Variants in PPFIA1 observed in about 807,000 individuals in gnomAD.
The protein encoded by PPFIA1 is liprin-alpha-1.
In PPFIA1, 25 loss-of-function variants were observed where a neutral mutation model predicts 149.9. That is an observed-to-expected ratio of 0.17 (90% CI 0.12 to 0.23). PPFIA1 has a LOEUF of 0.23. PPFIA1 is among the 10% of genes least tolerant of loss of function. The pLI is 1.00. For synonymous variants in PPFIA1, 549 were observed against 552.8 expected (o/e 0.99, Z 0.10); for missense variants, 1,362 against 1,506.5 (o/e 0.90, Z 1.59).
intron 2 of PPFIA1, among the ~76,000 whole-genome samples, chr11:70,309,812 CAG>C (rs1167987744): frequency 6.6e-6 from 1 of 151,980 alleles, no homozygotes; most frequent in Non-Finnish European, 1.5e-5. Flanking sequence ...TACACAGAGA[CAG>C]AAAGCAGATT....
intron 26 of PPFIA1, chr11:70,378,524 C>CT: frequency 6.2e-6 from 6 of 971,124 alleles, no homozygotes; most frequent in Non-Finnish European, 7.5e-6. Flanking sequence ...CTAGAAAGCT[C>CT]TTTCAGGAAA....
intron 2 of PPFIA1, among the ~76,000 whole-genome samples, chr11:70,323,193 A>G (rs75646606): frequency 0.015 from 2,324 of 152,188 alleles, 56 homozygotes; most frequent in African/African-American, 0.052. Context: ...TCCTAGGTTT[A>G]AAGAGAGTGC....
chr11:70,293,485 AAC>A (rs2051677650), intron 2 of PPFIA1, among the ~76,000 whole-genome samples: 5 of 152,230 alleles, frequency 3.3e-5, no homozygotes, highest in African/African-American at 7.2e-5. Context: ...AAGCAAATAA[AAC>A]CAATGGCTTT....
At chr11:70,287,133 G>A (rs1189820022) in intron 2 of PPFIA1, among the ~76,000 whole-genome samples, 2 of 151,452 alleles carry the variant, frequency 1.3e-5, no homozygotes, top group Non-Finnish European at 2.9e-5. Flanking sequence ...GATTACAGGC[G>A]TGAGCCACCA....
chr11:70,331,101 G>C (rs866347822), intron 8 of PPFIA1, among the ~76,000 whole-genome samples: 1 of 152,018 alleles, frequency 6.6e-6, no homozygotes, highest in Non-Finnish European at 1.5e-5. Context: ...GCTTGGTGGC[G>C]CGCATCTGTA....
Position 70,372,228 on chromosome 11 carries a change from G to C in PPFIA1, c.2879G>C (p.Gly960Ala). ...TATGAAAAGCAGACACTCGCCTATG[G>C]GGACATGAACCACGAGTGGATCGGC... ...PPTSRTTLAY[G>A]DMNHEWIGNE... The change falls in exon 22 of 28, where the codon GGG becomes GCG. Residue 960 changes from glycine (G) to alanine (A), a missense_variant. By Grantham distance (60) the Gly-to-Ala change is moderately conservative (BLOSUM62 0). This residue lies in a region of PPFIA1 where 349 missense variants were observed against 373.3 expected (regional missense o/e 0.93). Transcript: ENST00000253925. The C allele has an allele frequency of 1.9e-6, 3 of 1,613,006 alleles. No individual in the cohort carries two copies. The highest frequency in any genetic ancestry group is 1.1e-5 in the South Asian group (1 of 90,796).
At chr11:70,382,195 A>C in intron 27 of PPFIA1, 37 bp downstream of exon 27, 1 of 1,541,332 alleles carries the variant, frequency 6.5e-7, no homozygotes, top group Non-Finnish European at 8.9e-7. Context: ...GAGATGGCTC[A>C]GAGGCACAGC....
chr11:70,335,892 G>T (rs2054943974), intron 11 of PPFIA1, among the ~76,000 whole-genome samples, 198 bp downstream of exon 11: 1 of 152,208 alleles, frequency 6.6e-6, no homozygotes, highest in African/African-American at 2.4e-5. Flanking sequence ...TGCCCCATTT[G>T]TGTGTATGGG....
intron 2 of PPFIA1, among the ~76,000 whole-genome samples, chr11:70,289,063 G>A (rs1006263238): frequency 6.6e-6 from 1 of 151,344 alleles, no homozygotes; most frequent in African/African-American, 2.4e-5. Flanking sequence ...CGCCTCCCGG[G>A]TTCAAGCAAT....
At chr11:70,309,836 A>G (rs2053139933) in intron 2 of PPFIA1, among the ~76,000 whole-genome samples, 1 of 152,048 alleles carries the variant, frequency 6.6e-6, no homozygotes, top group South Asian at 2.1e-4. Flanking sequence ...GTGGGTGCCT[A>G]GGGCGGAGAG....
rs539232710 is a variant in PPFIA1, at chr11:70,315,197, C to T, written c.265-9205C>T. ...AAAAATGTTTATGTAATCTGTTATA[C>T]GCAAATATTGTCCAGTGATTGAAAA... is the stretch of plus-strand genomic sequence containing the variant. On this transcript the variant is annotated intron_variant, in intron 2 of 27. Transcript: ENST00000253925. Among the ~76,000 whole-genome samples, 15 of 152,252 alleles carry T rather than the reference C, an allele frequency of 9.9e-5. No individual in the cohort carries two copies. The South Asian group carries it at 1.2e-3, about 13-fold the overall frequency.
At chr11:70,361,655 G>T (rs2056651251) in intron 19 of PPFIA1, among the ~76,000 whole-genome samples, 1 of 150,268 alleles carries the variant, frequency 6.7e-6, no homozygotes, top group African/African-American at 2.5e-5. Flanking sequence ...TCACTCTGTT[G>T]CCTAGGCTGG....
intron 15 of PPFIA1, among the ~76,000 whole-genome samples, chr11:70,344,164 C>T (rs12276296): frequency 0.011 from 1,658 of 152,332 alleles, 34 homozygotes; most frequent in African/African-American, 0.038. Flanking sequence ...CTGAGAAGCT[C>T]GCCACATAGC....
At chr11:70,361,688 CTACTG>C (rs914618012) in intron 19 of PPFIA1, among the ~76,000 whole-genome samples, 2 of 151,468 alleles carry the variant, frequency 1.3e-5, no homozygotes, top group African/African-American at 4.9e-5. Flanking sequence ...CAGTCATGGC[CTACTG>C]TAGCCTTGAC....
In PPFIA1 at chr11:70,372,228, G is replaced by T; in HGVS notation, c.2879G>T (p.Gly960Val). 6.2e-7 allele frequency: 1 copy of T among 1,613,006 alleles called. No homozygotes were observed. The highest frequency in any genetic ancestry group is 1.1e-5 in the South Asian group (1 of 90,796). Reference protein sequence around the residue: ...PPTSRTTLAYGDMNHEWIGNE... With the variant: ...PPTSRTTLAYVDMNHEWIGNE... ...TATGAAAAGCAGACACTCGCCTATG[G>T]GGACATGAACCACGAGTGGATCGGC... is the stretch of plus-strand genomic sequence containing the variant. The change falls in exon 22 of 28, where the codon GGG becomes GTG. Residue 960 changes from glycine (G) to valine (V), a missense_variant. By Grantham distance (109) the Gly-to-Val change is moderately radical. Transcript: ENST00000253925.
At position 70,272,331 on chromosome 11, in the gene PPFIA1, A is replaced by T. The variant is rs777919938; in HGVS notation, c.159A>T (p.Thr53=). 34 of 1,614,186 alleles carry T rather than the reference A, an allele frequency of 2.1e-5. No homozygotes were observed. Among genetic ancestry groups the T allele is most frequent in the Non-Finnish European group, 2.9e-5 (34 of 1,180,012 alleles). The change falls in exon 2 of 28, where the codon ACA becomes ACT. Residue 53 remains threonine, a synonymous_variant. Transcript: ENST00000253925. ...MLEERDRLLD[T]LRETQETLAL... ...AAGAAAGGGACCGCCTTCTTGATAC[A>T]CTGAGAGAGACTCAAGAAACGCTGG...
chr11:70,356,396 G>A lies in PPFIA1; in HGVS notation c.2582+142G>A, dbSNP rs990574977. 2.3e-4 allele frequency: 155 copies of A among 661,134 alleles called. 1 individual carries two copies. The East Asian group carries it at 4.3e-3, about 18-fold the overall frequency. 41.0% of individuals were successfully genotyped at this position (661,134 alleles called of 1,614,324 possible). On this transcript the variant is annotated intron_variant, in intron 19 of 27. Transcript: ENST00000253925. ...CTTTACCTACAGCCTTAATTAAGCC[G>A]TACTTTCTGGAAGATTTAGTGTTTG...
intron 2 of PPFIA1, among the ~76,000 whole-genome samples, chr11:70,278,024 C>T (rs1394988907): frequency 1.3e-5 from 2 of 152,068 alleles, no homozygotes; most frequent in African/African-American, 4.8e-5. Flanking sequence ...AATTCTCCTG[C>T]CTCAGCCGCC....
At position 70,337,493 on chromosome 11, in the gene PPFIA1, C is replaced by G. The variant is rs75177110; in HGVS notation, c.1491+66C>G. 2.9e-4 allele frequency: 361 copies of G among 1,230,518 alleles called. 1 individual carries two copies. In the East Asian group the frequency reaches 9.2e-3, roughly 31 times the overall value. The allele number at this position is 1,230,518 out of a possible 1,614,324, so 76.2% of individuals were successfully genotyped here. A position where few individuals can be genotyped will look rare whatever the true frequency, so the allele number is the denominator to read the frequency against. On this transcript the variant is annotated intron_variant, in intron 12 of 27. Transcript: ENST00000253925. ...ACTGAGTTGATGATGATGATAGTTACTGCAGATGTCTGACAGTGGAGAGCA... is the reference window on the plus strand; with the variant it reads ...ACTGAGTTGATGATGATGATAGTTAGTGCAGATGTCTGACAGTGGAGAGCA...
Sources: allele counts gnomAD v4.1 joint callset (sites outside exome capture counted in the v4.1 genomes callset), GRCh38; gene constraint gnomAD v4.1.1; regional missense constraint gnomAD v4.1.1; transcripts MANE v1.5; gene names NCBI Gene and HGNC (gene_info 2026-07-23, HGNC 2026-07-21).